USP14: variants seen among roughly 807,000 people sequenced by gnomAD.
The protein encoded by USP14 is ubiquitin carboxyl-terminal hydrolase 14.
A neutral mutation model predicts 76.5 loss-of-function variants in USP14; 38 were observed. The ratio of observed to expected loss-of-function variants is 0.50; its 90% confidence interval spans 0.38 to 0.65. The LOEUF (loss-of-function observed/expected upper bound fraction) is 0.65. Ranked by LOEUF, USP14 falls within the 30% of genes least tolerant of loss-of-function variation. USP14 has a pLI of 0.00. For synonymous variants in USP14, 192 were observed against 191.7 expected (o/e 1.00, Z -0.01); for missense variants, 467 against 586.5 (o/e 0.80, Z 2.10).
rs891630980 is a variant in USP14, at chr18:158,567, C to T, written c.-132C>T. On this transcript the variant is annotated 5_prime_UTR_variant, in exon 1 of 16. Coordinates refer to ENST00000261601, the MANE Select transcript of USP14 (RefSeq NM_005151.4). ...GCCAGTGGCCGGTTTGAATGAGACT[C>T]GTCGCACCGAAGCCGCCGCCACCAC... The T allele has an allele frequency of 2.7e-5, 24 of 884,244 alleles. No individual in the cohort carries two copies. The highest frequency in any genetic ancestry group is 3.9e-5 in the Non-Finnish European group (23 of 597,168). The allele number at this position is 884,244 out of a possible 1,614,324, so 54.8% of individuals were successfully genotyped here.
In USP14 at chr18:210,015, C is replaced by G; in HGVS notation, c.1209C>G (p.Pro403=). 6.2e-7 allele frequency: 1 copy of G among 1,603,810 alleles called. No individual in the cohort carries two copies. The change falls in exon 14 of 16, where the codon CCC becomes CCG. Residue 403 remains proline (P), a synonymous_variant. Coordinates refer to ENST00000261601, the MANE Select transcript of USP14 (RefSeq NM_005151.4). ...CCCAGAAAGAAGTTAAGTATGAACC[C>G]TTTTCTTTTGCTGATGGTAAGTAAC... ...SSPQKEVKYE[P]FSFADDIGSN...
intron 3 of USP14, among the ~76,000 whole-genome samples, chr18:178,034 T>G (rs1324396164): frequency 1.3e-5 from 2 of 152,028 alleles, no homozygotes; most frequent in African/African-American, 4.8e-5. Flanking sequence ...TTGTTATATT[T>G]TTTGAGACGG....
At chr18:210,133 A>G in intron 14 of USP14, 102 bp downstream of exon 14, 1 of 996,806 alleles carries the variant, frequency 1.0e-6, no homozygotes, top group Non-Finnish European at 1.5e-6. Flanking sequence ...TGCTTTTCAA[A>G]CAAAATGTCA....
chr18:192,957 C>G, intron 6 of USP14, 57 bp downstream of exon 6: 1 of 1,460,264 alleles, frequency 6.8e-7, no homozygotes. Context: ...ATTTTTCGCT[C>G]ACAATCCTTT....
intron 5 of USP14, among the ~76,000 whole-genome samples, chr18:185,143 A>C (rs1262844827): frequency 6.7e-6 from 1 of 149,668 alleles, no homozygotes; most frequent in East Asian, 2.0e-4. Flanking sequence ...ATTTTCTTTC[A>C]TTTTTTTTTT....
chr18:170,118 T>C lies in USP14; in HGVS notation c.195+3299T>C, dbSNP rs182596665. Among the ~76,000 whole-genome samples, 1,123 of 152,012 alleles carry C rather than the reference T, an allele frequency of 7.4e-3. 15 individuals carry two copies. Among genetic ancestry groups the C allele is most frequent in the African/African-American group, 0.026 (1,069 of 41,460 alleles). On this transcript the variant is annotated intron_variant, in intron 3 of 15. Transcript: ENST00000261601. ...GAGTTCAAGATCAGCCTGGCCAATA[T>C]GGTGAAACCCCATCTCCACTAAATA...
At position 158,882 on chromosome 18, in the gene USP14, G is replaced by A. The variant is rs185669605; in HGVS notation, c.16+168G>A. On this transcript the variant is annotated intron_variant, in intron 1 of 15. Transcript: ENST00000261601. ...CAGGCACCGTCCCCTCTCCCGGCTG[G>A]GTCGGAGCCCTGCGTGGCAGGGGAG... is the stretch of plus-strand genomic sequence containing the variant. The A allele has an allele frequency of 5.7e-3, 6,446 of 1,123,718 alleles. 24 individuals carry two copies. The highest frequency in any genetic ancestry group is 6.2e-3 in the Non-Finnish European group (5,468 of 888,372). The allele number at this position is 1,123,718 out of a possible 1,614,324, so 69.6% of individuals were successfully genotyped here.
At chr18:195,017 T>G (rs933169324) in intron 6 of USP14, among the ~76,000 whole-genome samples, 5 of 152,262 alleles carry the variant, frequency 3.3e-5, no homozygotes, top group African/African-American at 9.6e-5. Flanking sequence ...ACTGTCCTAG[T>G]ATTGTCCATT....
chr18:160,662 C>T (rs1305338475), intron 1 of USP14, among the ~76,000 whole-genome samples: 3 of 152,244 alleles, frequency 2.0e-5, no homozygotes, highest in Non-Finnish European at 2.9e-5. Flanking sequence ...GTAACTTGCT[C>T]ATGGCAATAG....
chr18:192,087 C>G (rs1190560372), intron 5 of USP14, among the ~76,000 whole-genome samples: 1 of 152,210 alleles, frequency 6.6e-6, no homozygotes, highest in Non-Finnish European at 1.5e-5. Context: ...GATGAGCAAA[C>G]TGACCTACAA....
At chr18:187,834 G>A (rs1909974020) in intron 5 of USP14, among the ~76,000 whole-genome samples, 1 of 151,854 alleles carries the variant, frequency 6.6e-6, no homozygotes, top group African/African-American at 2.4e-5. Flanking sequence ...TATTTACCTT[G>A]AAAACACATT....
chr18:193,761 C>T (rs951935030), intron 6 of USP14, among the ~76,000 whole-genome samples: 4 of 152,170 alleles, frequency 2.6e-5, no homozygotes, highest in Admixed American at 2.6e-4. Context: ...TGGCATGTAT[C>T]AGTACTTCAT....
At chr18:178,031 A>AT (rs1555600526) in intron 3 of USP14, among the ~76,000 whole-genome samples, 2 of 145,946 alleles carry the variant, frequency 1.4e-5, no homozygotes, top group Non-Finnish European at 3.1e-5. Flanking sequence ...TGTTTGTTAT[A>AT]TTTTTTGAGA....
At chr18:162,704 A>G (rs1047288247) in intron 1 of USP14, among the ~76,000 whole-genome samples, 1 of 152,132 alleles carries the variant, frequency 6.6e-6, no homozygotes, top group Non-Finnish European at 1.5e-5. Flanking sequence ...ATATTTCAAT[A>G]TGATCATATT....
intron 5 of USP14, among the ~76,000 whole-genome samples, chr18:185,644 C>A (rs1909908313): frequency 6.6e-6 from 1 of 151,604 alleles, no homozygotes; most frequent in Non-Finnish European, 1.5e-5. Context: ...AAATTATTTT[C>A]TTTTTTTTAG....
Position 196,777 on chromosome 18 carries a change from G to A in USP14, c.594+10G>A, listed in dbSNP as rs199771859. The A allele has an allele frequency of 3.3e-4, 538 of 1,610,218 alleles. 3 individuals are homozygous for A. The highest frequency in any genetic ancestry group is 2.5e-4 in the Admixed American group (15 of 59,100). ...ACAGTATCTTCAACAGGTAATTAGGGCAAGGTATTTTTCATTCTGTAAATG... is the reference window on the plus strand; with the variant it reads ...ACAGTATCTTCAACAGGTAATTAGGACAAGGTATTTTTCATTCTGTAAATG... On this transcript the variant is annotated intron_variant, in intron 7 of 15. Transcript: ENST00000261601.
At chr18:163,154 A>C (rs1909170772) in intron 1 of USP14, 154 bp from the exon 2 acceptor site, 1 of 596,310 alleles carries the variant, frequency 1.7e-6, no homozygotes, top group Non-Finnish European at 2.8e-6. Context: ...CACCTACTGC[A>C]TGCATGCTCC....
At position 170,197 on chromosome 18, in the gene USP14, G is replaced by A. The variant is rs1336416768; in HGVS notation, c.195+3378G>A. Reference sequence around the variant, plus strand: ...CACATGCCTGTAATCCCAGCTATTCGGGAGGCTGAGGCAGGAGAATTGCTT... The same window carrying A: ...CACATGCCTGTAATCCCAGCTATTCAGGAGGCTGAGGCAGGAGAATTGCTT... On this transcript the variant is annotated intron_variant, in intron 3 of 15. Transcript: ENST00000261601. 5.3e-5 allele frequency among the ~76,000 whole-genome samples: 8 copies of A among 152,142 alleles called. No individual in the cohort carries two copies. The East Asian group carries it at 5.8e-4, about 11-fold the overall frequency.
intron 1 of USP14, 59 bp from the exon 2 acceptor site, chr18:163,249 G>C (rs1909173612): frequency 1.3e-6 from 2 of 1,488,188 alleles, no homozygotes; most frequent in East Asian, 2.5e-5. Context: ...GATCTTCTAA[G>C]GGTCTGTAAA....
Sources: allele counts gnomAD v4.1 joint callset (sites outside exome capture counted in the v4.1 genomes callset), GRCh38; gene constraint gnomAD v4.1.1; transcripts MANE v1.5; gene names NCBI Gene and HGNC (gene_info 2026-07-23, HGNC 2026-07-21).